The following MMP16 variants were observed in gnomAD, a reference collection of about 807,000 sequenced individuals.
MMP16 encodes matrix metallopeptidase 16, also known as matrix metalloproteinase-16.
Under a neutral mutation model 67.8 loss-of-function variants are expected in MMP16, and 12 were observed. The observed-to-expected ratio is 0.18, with a 90% confidence interval of 0.11 to 0.29. The LOEUF (loss-of-function observed/expected upper bound fraction) is 0.29. MMP16 is among the 10% of genes least tolerant of loss of function. MMP16 has a pLI of 1.00. For synonymous variants in MMP16, 249 were observed against 255.9 expected, an observed-to-expected ratio of 0.97 and a Z score of 0.26; for missense variants, 475 against 765.7, an observed-to-expected ratio of 0.62 and a Z score of 4.48.
intron 6 of MMP16, among the ~76,000 whole-genome samples, chr8:88,115,701 G>T (rs1809417080): frequency 6.6e-6 from 1 of 151,836 alleles, no homozygotes. Flanking sequence ...AATAATATTG[G>T]CAAAATGTGG....
intron 1 of MMP16, among the ~76,000 whole-genome samples, chr8:88,256,645 T>C (rs1163445113): frequency 6.7e-6 from 1 of 150,030 alleles, no homozygotes; most frequent in Non-Finnish European, 1.5e-5. Context: ...TCTCACTATA[T>C]CCTTCCATAA....
At chr8:88,128,446 T>G (rs1205553886) in intron 4 of MMP16, among the ~76,000 whole-genome samples, 1 of 151,740 alleles carries the variant, frequency 6.6e-6, no homozygotes, top group Non-Finnish European at 1.5e-5. Context: ...TTTAGACAGG[T>G]TTTTTTCCTG....
chr8:88,271,913 G>A (rs1011260525), intron 1 of MMP16, among the ~76,000 whole-genome samples: 2 of 152,180 alleles, frequency 1.3e-5, no homozygotes, highest in Admixed American at 6.5e-5. Flanking sequence ...ATAAATGGGC[G>A]TTGGAGCTAG....
intron 4 of MMP16, among the ~76,000 whole-genome samples, chr8:88,157,959 A>G (rs558126444): frequency 2.8e-4 from 42 of 151,964 alleles, no homozygotes; most frequent in Non-Finnish European, 5.4e-4. Context: ...GCTGAGAAGG[A>G]TGGTTTCCTG....
chr8:88,199,601 A>G (rs1439104456), intron 1 of MMP16, among the ~76,000 whole-genome samples: 1 of 152,014 alleles, frequency 6.6e-6, no homozygotes. Flanking sequence ...TTGGAAATGT[A>G]TCTTTCCCCT....
chr8:88,204,862 A>C (rs1344000061), intron 1 of MMP16, among the ~76,000 whole-genome samples: 1 of 152,200 alleles, frequency 6.6e-6, no homozygotes. Flanking sequence ...TGACTATGAC[A>C]ATTCTCAAGC....
At chr8:88,282,896 T>C (rs1323961535) in intron 1 of MMP16, among the ~76,000 whole-genome samples, 1 of 152,186 alleles carries the variant, frequency 6.6e-6, no homozygotes, top group African/African-American at 2.4e-5. Context: ...ATTATTCTTT[T>C]CATATATTGT....
intron 4 of MMP16, among the ~76,000 whole-genome samples, chr8:88,124,527 T>C (rs1056348137): frequency 6.6e-6 from 1 of 151,914 alleles, no homozygotes; most frequent in Non-Finnish European, 1.5e-5. Flanking sequence ...ACTTTTTCCG[T>C]AGCCCTAAAC....
intron 4 of MMP16, among the ~76,000 whole-genome samples, chr8:88,138,620 G>A (rs567543226): frequency 1.2e-3 from 176 of 152,062 alleles, no homozygotes; most frequent in Non-Finnish European, 2.0e-3. Flanking sequence ...ATCTCCAGAA[G>A]ATTCCTAAAA....
At chr8:88,065,896 G>A (rs182921571) in intron 7 of MMP16, among the ~76,000 whole-genome samples, 11 of 152,150 alleles carry the variant, frequency 7.2e-5, no homozygotes, top group Admixed American at 4.6e-4. Context: ...TTCCAGCACC[G>A]AGTATTTTAG....
intron 3 of MMP16, among the ~76,000 whole-genome samples, chr8:88,184,596 A>C (rs1421360861): frequency 6.9e-6 from 1 of 144,974 alleles, no homozygotes; most frequent in Non-Finnish European, 1.5e-5. Flanking sequence ...AAAAAGCAAA[A>C]ATTAGCTGGG....
chr8:88,153,046 T>C (rs1256582666), intron 4 of MMP16, among the ~76,000 whole-genome samples: 1 of 125,086 alleles, frequency 8.0e-6, no homozygotes, highest in East Asian at 2.2e-4. Flanking sequence ...TGTACAAAAA[T>C]CACAAGCATT....
At chr8:88,274,650 A>G (rs952394081) in intron 1 of MMP16, among the ~76,000 whole-genome samples, 40 of 152,096 alleles carry the variant, frequency 2.6e-4, no homozygotes, top group Non-Finnish European at 5.6e-4. Context: ...TGCCCAATGT[A>G]AAAGTTACAA....
intron 2 of MMP16, among the ~76,000 whole-genome samples, chr8:88,187,419 G>T (rs1809092989): frequency 6.6e-6 from 1 of 152,000 alleles, no homozygotes; most frequent in Non-Finnish European, 1.5e-5. Context: ...TTCATGATTT[G>T]GGGGTAGTTT....
intron 4 of MMP16, among the ~76,000 whole-genome samples, chr8:88,130,096 C>G (rs1053450576): frequency 7.9e-5 from 12 of 151,696 alleles, no homozygotes; most frequent in African/African-American, 2.7e-4. Flanking sequence ...TATTTGTTTT[C>G]TAAGAATCAA....
At chr8:88,177,045 TTC>T (rs1324229123) in intron 3 of MMP16, among the ~76,000 whole-genome samples, 2 of 152,362 alleles carry the variant, frequency 1.3e-5, no homozygotes, top group South Asian at 4.1e-4. Flanking sequence ...TTTGTTCATC[TTC>T]TGTTATGTCC....
chr8:88,188,872 C>G (rs927236056), intron 2 of MMP16, among the ~76,000 whole-genome samples: 1 of 152,136 alleles, frequency 6.6e-6, no homozygotes, highest in Non-Finnish European at 1.5e-5. Flanking sequence ...TCAGGCTGGT[C>G]TCAAACTCCC....
At position 88,326,985 on chromosome 8, in the gene MMP16, C is replaced by T. The variant is rs1811549252; in HGVS notation, c.132+90G>A. ...AAACAACGTGCTGGGACCCAGGCTGCTCTGAGCTACAAGGATCCCAGGAGT... is the reference window on the plus strand; with the variant it reads ...AAACAACGTGCTGGGACCCAGGCTGTTCTGAGCTACAAGGATCCCAGGAGT... On this transcript the variant is annotated intron_variant, in intron 1 of 9. Coordinates refer to ENST00000286614, the MANE Select transcript of MMP16 (RefSeq NM_005941.5). The T allele has an allele frequency of 4.5e-6, 7 of 1,554,340 alleles. No homozygotes were observed. The Middle Eastern group carries it at 8.5e-4, about 190-fold the overall frequency.
intron 7 of MMP16, among the ~76,000 whole-genome samples, chr8:88,071,164 A>G (rs1016465311): frequency 2.0e-5 from 3 of 152,260 alleles, no homozygotes; most frequent in South Asian, 4.1e-4. Context: ...TTTTAATTGT[A>G]TCTAATGGCT....
Sources: gnomAD v4.1 joint callset for allele counts (sites outside exome capture counted in the v4.1 genomes callset) on GRCh38, gnomAD v4.1.1 for gene constraint, MANE v1.5 for transcripts, NCBI Gene and HGNC (gene_info 2026-07-23, HGNC 2026-07-21) for gene names.